BBS9: variants seen among roughly 807,000 people sequenced by gnomAD.
The protein encoded by BBS9 is protein PTHB1.
A neutral mutation model predicts 117.7 loss-of-function variants in BBS9; 89 were observed. The ratio of observed to expected loss-of-function variants is 0.76; its 90% CI spans 0.64 to 0.90. The LOEUF is 0.90. Among genes scored for constraint, BBS9 ranks in the 40% least tolerant of loss-of-function variants. The pLI is 0.00. For synonymous variants in BBS9, 379 were observed against 370.9 expected (o/e 1.02, Z -0.25); for missense variants, 982 against 1,042.2 (o/e 0.94, Z 0.80).
At chr7:33,536,818 T>C (rs867732572) in intron 21 of BBS9, among the ~76,000 whole-genome samples, 61 of 151,138 alleles carry the variant, frequency 4.0e-4, no homozygotes, top group African/African-American at 1.3e-3. Context: ...CTTATATTTG[T>C]TTTGTGCTTA....
intron 19 of BBS9, among the ~76,000 whole-genome samples, chr7:33,443,091 A>C (rs1472847103): frequency 6.6e-6 from 1 of 152,148 alleles, no homozygotes; most frequent in African/African-American, 2.4e-5. Flanking sequence ...CATTTCTGTG[A>C]AAAATTATGA....
chr7:33,351,388 TAAGATGAGAAAACA>T, intron 14 of BBS9, 65 bp downstream of exon 14: 2 of 1,053,314 alleles, frequency 1.9e-6, no homozygotes, highest in Non-Finnish European at 3.0e-6. Flanking sequence ...CTTATGCATT[TAAGATGAGAAAACA>T]TACTGTGAAA....
chr7:33,188,298 T>C (rs1783499324), intron 5 of BBS9, among the ~76,000 whole-genome samples: 1 of 152,162 alleles, frequency 6.6e-6, no homozygotes, highest in Non-Finnish European at 1.5e-5. Context: ...TGCCCAAAGG[T>C]TGAACCATTC....
chr7:33,409,566 A>G (rs1042122197), intron 19 of BBS9, among the ~76,000 whole-genome samples: 12 of 152,156 alleles, frequency 7.9e-5, no homozygotes, highest in African/African-American at 2.7e-4. Flanking sequence ...GCCTTGTAGT[A>G]TAGTTTGAAC....
rs11308055 is a variant in BBS9 at position 33,272,872 on chromosome 7, AG to A, written c.703-139del. 0.092 allele frequency: 79,080 copies of A among 863,068 alleles called. 3,637 individuals carry two copies. The highest frequency in any genetic ancestry group is 0.18 in the African/African-American group (10,587 of 58,468). 53.5% of individuals were successfully genotyped at this position (863,068 alleles called of 1,614,324 possible). ...AAAAATGGTCATAGTGATAAAAAAA[AG>A]AATAAAGAAATGAAAGAGATTAGCC... On this transcript the variant is annotated intron_variant, in intron 7 of 22. Coordinates refer to ENST00000242067, the MANE Select transcript of BBS9 (RefSeq NM_198428.3).
chr7:33,485,563 C>A (rs1293280372), intron 19 of BBS9, among the ~76,000 whole-genome samples: 1 of 152,104 alleles, frequency 6.6e-6, no homozygotes, highest in Non-Finnish European at 1.5e-5. Flanking sequence ...CCTGCCTCGG[C>A]TTCCCAAAGT....
At position 33,455,895 on chromosome 7, in the gene BBS9, T is replaced by C. The variant is rs193039178; in HGVS notation, c.2116-49568T>C. On this transcript the variant is annotated intron_variant, in intron 19 of 22. Transcript: ENST00000242067. Reference sequence around the variant, plus strand: ...CGATATTAAAAAAGAAGAAATTGTTTATTAGTGCCATTGAGTAAGTCACTA... The same window carrying C: ...CGATATTAAAAAAGAAGAAATTGTTCATTAGTGCCATTGAGTAAGTCACTA... Among the ~76,000 whole-genome samples the C allele has an allele frequency of 2.0e-3, 310 of 152,358 alleles. 6 individuals carry two copies. In the South Asian group the frequency reaches 0.039, roughly 19 times the overall value.
intron 9 of BBS9, among the ~76,000 whole-genome samples, chr7:33,291,043 C>A (rs923410494): frequency 6.6e-6 from 1 of 151,980 alleles, no homozygotes; most frequent in Non-Finnish European, 1.5e-5. Flanking sequence ...AAATAAAGTT[C>A]TCCTTAAATA....
At chr7:33,442,761 C>CT (rs35688914) in intron 19 of BBS9, among the ~76,000 whole-genome samples, 4 of 151,600 alleles carry the variant, frequency 2.6e-5, no homozygotes, top group East Asian at 1.9e-4. Context: ...ATGTGATCAC[C>CT]TTTTTTTTGG....
chr7:33,339,256 C>T (rs1264677953), intron 10 of BBS9, among the ~76,000 whole-genome samples: 2 of 152,124 alleles, frequency 1.3e-5, no homozygotes, highest in African/African-American at 2.4e-5. Context: ...GCTGCTGAGT[C>T]AGCCCCCTTA....
downstream of BBS9, among the ~76,000 whole-genome samples, chr7:33,608,598 T>C (rs149717836): frequency 5.0e-3 from 758 of 152,290 alleles, 3 homozygotes; most frequent in African/African-American, 0.017. Flanking sequence ...GGGTGTCTCA[T>C]TGTGGCTTCA....
chr7:33,565,185 C>T (rs1224271238), intron 21 of BBS9, among the ~76,000 whole-genome samples: 2 of 152,170 alleles, frequency 1.3e-5, no homozygotes, highest in East Asian at 1.9e-4. Context: ...AGTAAATCTT[C>T]ATTGTCTTCT....
In BBS9 at chr7:33,258,909, C is replaced by T. The variant is rs1304058303; in HGVS notation, c.617+1499C>T. On this transcript the variant is annotated intron_variant, in intron 6 of 22. Transcript: ENST00000242067. ...TGTTTTAACTGTGGTAAGTCTCCAA[C>T]ATACCAATCTATTAAATTCATCTTT... 4.6e-5 allele frequency among the ~76,000 whole-genome samples: 7 copies of T among 152,162 alleles called. No individual in the cohort carries two copies. In the East Asian group the frequency reaches 1.3e-3, roughly 29 times the overall value.
At chr7:33,333,282 G>A (rs549355341) in intron 9 of BBS9, among the ~76,000 whole-genome samples, 1 of 152,170 alleles carries the variant, frequency 6.6e-6, no homozygotes, top group South Asian at 2.1e-4. Context: ...TCATAGCTTA[G>A]CTCTCACTTA....
intron 15 of BBS9, among the ~76,000 whole-genome samples, chr7:33,357,172 A>G (rs1044639176): frequency 3.9e-5 from 6 of 151,968 alleles, no homozygotes; most frequent in Non-Finnish European, 8.9e-5. Context: ...GTATGCATGT[A>G]TGAGTATTAA....
rs376901170 is a variant in BBS9, at chr7:33,257,300, T to C, written c.507T>C (p.Tyr169=). The C allele has an allele frequency of 1.2e-6, 2 of 1,613,846 alleles. No homozygotes were observed. Among genetic ancestry groups the C allele is most frequent in the Non-Finnish European group, 8.5e-7 (1 of 1,179,886 alleles). The part of the protein sequence containing the change: ...GMLMVFEQES[Y]AFGRFLPGFL... ...TGATGGTATTTGAGCAGGAGAGCTA[T>C]GCTTTTGGAAGATTTCTCCCTGGCT... The change falls in exon 6 of 23, where the codon TAT becomes TAC. Residue 169 remains tyrosine (Y), a synonymous_variant. Coordinates refer to ENST00000242067, the MANE Select transcript of BBS9 (RefSeq NM_198428.3).
At chr7:33,370,142 TGAGTAGGATTATATTTTTAGAAAGCA>T (rs139978249) in intron 17 of BBS9, among the ~76,000 whole-genome samples, 1,628 of 152,166 alleles carry the variant, frequency 0.011, 32 homozygotes, top group African/African-American at 0.038. Flanking sequence ...CCTGGGGAAC[TGAGTAGGATTATATTTTTAGAAAGCA>T]GAATAGTAGC....
chr7:33,215,290 A>G (rs976749351), intron 5 of BBS9, among the ~76,000 whole-genome samples: 3 of 152,250 alleles, frequency 2.0e-5, no homozygotes, highest in African/African-American at 7.2e-5. Flanking sequence ...TGGCATAAAA[A>G]ACAGACACAT....
intron 19 of BBS9, among the ~76,000 whole-genome samples, chr7:33,449,376 T>C (rs1443359977): frequency 6.6e-6 from 1 of 152,128 alleles, no homozygotes; most frequent in African/African-American, 2.4e-5. Flanking sequence ...TATGGACAGA[T>C]TTGTTTCCCA....
Sources: allele counts gnomAD v4.1 joint callset (sites outside exome capture counted in the v4.1 genomes callset), GRCh38; gene constraint gnomAD v4.1.1; transcripts MANE v1.5; gene names NCBI Gene and HGNC (gene_info 2026-07-23, HGNC 2026-07-21).